Variants in COLGALT2 observed in about 807,000 individuals in gnomAD.
COLGALT2 encodes procollagen galactosyltransferase 2.
Under a neutral mutation model 73.4 loss-of-function variants are expected in COLGALT2, and 49 were observed. The ratio of observed to expected loss-of-function variants is 0.67; its 90% CI spans 0.53 to 0.85. The LOEUF (loss-of-function observed/expected upper bound fraction) is 0.85. Among genes scored for constraint, COLGALT2 ranks in the 40% least tolerant of loss-of-function variants. The pLI, the probability that COLGALT2 is intolerant of heterozygous loss-of-function variation, is 0.00. For missense variants in COLGALT2, 722 were observed against 790.2 expected, an observed-to-expected ratio of 0.91 and a Z score of 1.03; for synonymous variants, 295 against 307.6, an observed-to-expected ratio of 0.96 and a Z score of 0.43.
intron 3 of COLGALT2, 102 bp from the exon 4 acceptor site, chr1:183,973,852 C>T: frequency 2.8e-6 from 3 of 1,070,104 alleles, no homozygotes; most frequent in Non-Finnish European, 4.1e-6. Context: ...TTGCTCATGA[C>T]ATATGGAACC....
intron 1 of COLGALT2, among the ~76,000 whole-genome samples, chr1:183,984,211 C>T (rs1434885670): frequency 6.6e-6 from 1 of 152,206 alleles, no homozygotes; most frequent in Non-Finnish European, 1.5e-5. Context: ...TCAAGGCCAG[C>T]CCAGCCAACA....
chr1:183,990,924 A>G (rs1301167318), intron 1 of COLGALT2, among the ~76,000 whole-genome samples: 4 of 152,240 alleles, frequency 2.6e-5, no homozygotes, highest in Admixed American at 2.0e-4. Context: ...CTGGTTTATA[A>G]TTCTCTGAAA....
In COLGALT2 at chr1:184,010,222, G is replaced by T. The variant is rs144449344; in HGVS notation, c.263+26873C>A. 6.6e-4 allele frequency among the ~76,000 whole-genome samples: 101 copies of T among 152,242 alleles called. 2 individuals carry two copies. The East Asian group carries it at 0.015, about 23-fold the overall frequency. On this transcript the variant is annotated intron_variant, in intron 1 of 11. Transcript: ENST00000361927. ...CATTATTCTGCCATTTAGAAATTCA[G>T]GCCCAGTAATACCAAAGTTTCCAAT...
chr1:183,953,018 C>T (rs868139223), intron 7 of COLGALT2, among the ~76,000 whole-genome samples: 1 of 152,252 alleles, frequency 6.6e-6, no homozygotes, highest in Middle Eastern at 3.4e-3. Context: ...AAAAAATCAA[C>T]AGAAATAAAT....
chr1:184,005,581 A>G (rs1396874407), intron 1 of COLGALT2, among the ~76,000 whole-genome samples: 1 of 151,454 alleles, frequency 6.6e-6, no homozygotes, highest in Non-Finnish European at 1.5e-5. Context: ...CCTGCCTGGA[A>G]CTCTTTGACA....
chr1:183,994,231 G>C (rs1050566117), intron 1 of COLGALT2, among the ~76,000 whole-genome samples: 2 of 151,224 alleles, frequency 1.3e-5, no homozygotes, highest in Non-Finnish European at 3.0e-5. Context: ...GTAGAGACAG[G>C]GTTTCACCGT....
At chr1:183,989,307 G>T (rs1046120659) in intron 1 of COLGALT2, among the ~76,000 whole-genome samples, 1 of 152,198 alleles carries the variant, frequency 6.6e-6, no homozygotes, top group African/African-American at 2.4e-5. Context: ...TAAACTCTGA[G>T]TGGGGATGTC....
Position 183,937,098 on chromosome 1 carries a change from T to G in COLGALT2, c.*1663A>C. 3.2e-6 allele frequency: 4 copies of G among 1,230,962 alleles called. No homozygotes were observed. The highest frequency in any genetic ancestry group is 1.6e-5 in the African/African-American group (1 of 64,510). 76.3% of individuals were successfully genotyped at this position (1,230,962 alleles called of 1,614,324 possible). A position where few individuals can be genotyped will look rare whatever the true frequency, so the allele number is the denominator to read the frequency against. On this transcript the variant is annotated 3_prime_UTR_variant, in exon 12 of 12. Coordinates refer to ENST00000361927, the MANE Select transcript of COLGALT2 (RefSeq NM_015101.4). ...GAAGAATTAGGTGTCTGGCTTAAAG[T>G]GTATCTTACACTCGTACACTAAGCT...
downstream of COLGALT2, among the ~76,000 whole-genome samples, chr1:183,932,388 T>A (rs1669865807): frequency 6.6e-6 from 1 of 151,918 alleles, no homozygotes; most frequent in South Asian, 2.1e-4. Context: ...CGGTTCACTT[T>A]GGTGCATGAT....
chr1:183,932,807 G>A (rs896607590), downstream of COLGALT2, among the ~76,000 whole-genome samples: 2 of 152,084 alleles, frequency 1.3e-5, no homozygotes, highest in African/African-American at 4.8e-5. Context: ...CTGAGAGATC[G>A]GCCACCACAC....
intron 7 of COLGALT2, 44 bp downstream of exon 7, chr1:183,954,718 T>G (rs765716895): frequency 1.4e-6 from 2 of 1,452,044 alleles, no homozygotes; most frequent in Admixed American, 3.4e-5. Flanking sequence ...CACACAAGCC[T>G]GCACACGCGT....
intron 1 of COLGALT2, among the ~76,000 whole-genome samples, chr1:184,015,066 T>C (rs1432916028): frequency 6.6e-6 from 1 of 151,138 alleles, no homozygotes; most frequent in Non-Finnish European, 1.5e-5. Flanking sequence ...TGCAGGAGGA[T>C]GGATCTGGGA....
chr1:183,986,608 C>T (rs1926867), intron 1 of COLGALT2, among the ~76,000 whole-genome samples: 28,752 of 152,104 alleles, frequency 0.19, 3,006 homozygotes, highest in East Asian at 0.41. Flanking sequence ...TATCATCTTT[C>T]AATAAAATTA....
Position 184,037,142 on chromosome 1 carries a change from G to A in COLGALT2, c.216C>T (p.Leu72=), listed in dbSNP as rs1490280386. 1 of 1,599,696 alleles carries A rather than the reference G, an allele frequency of 6.3e-7. No individual in the cohort carries two copies. Among genetic ancestry groups the A allele is most frequent in the Non-Finnish European group, 8.5e-7 (1 of 1,174,888 alleles). ...GGTAGTCCAGCCGCTCCAGGCAGCC[G>A]AGGAAGTGCGGCAGCGTGTGCGCCG... is the stretch of plus-strand genomic sequence containing the variant. ...RNAAHTLPHF[L]GCLERLDYPK... is the part of the protein sequence containing the mutation. The change falls in exon 1 of 12, where the codon CTC becomes CTT. Residue 72 remains leucine (L), a synonymous_variant. Coordinates refer to ENST00000361927, the MANE Select transcript of COLGALT2 (RefSeq NM_015101.4).
downstream of COLGALT2, among the ~76,000 whole-genome samples, chr1:183,933,318 C>T (rs573382412): frequency 3.3e-5 from 5 of 152,264 alleles, no homozygotes; most frequent in South Asian, 2.1e-4. Context: ...GACTTTGCTC[C>T]GTGTGTGGTG....
chr1:183,937,064 C>T lies in COLGALT2; in HGVS notation c.*1697G>A. ...AATGTGGCAATCAGTATCACATGGG[C>T]AGTGAACTGAAGAATTAGGTGTCTG... is the stretch of plus-strand genomic sequence containing the variant. On this transcript the variant is annotated 3_prime_UTR_variant, in exon 12 of 12. Coordinates refer to ENST00000361927, the MANE Select transcript of COLGALT2 (RefSeq NM_015101.4). 8.1e-7 allele frequency: 1 copy of T among 1,231,602 alleles called. No homozygotes were observed. Among genetic ancestry groups the T allele is most frequent in the Non-Finnish European group, 1.0e-6 (1 of 987,954 alleles). 76.3% of individuals were successfully genotyped at this position (1,231,602 alleles called of 1,614,324 possible).
In COLGALT2 at chr1:183,966,701, G is replaced by A. The variant is rs368279926; in HGVS notation, c.832+2568C>T. On this transcript the variant is annotated intron_variant, in intron 5 of 11. Transcript: ENST00000361927. ...TTTGGAAGACGACTGGCTGGCACTG[G>A]GATGATTCCTGTGGCCATGATACAG... Among the ~76,000 whole-genome samples the A allele has an allele frequency of 3.0e-4, 46 of 152,296 alleles. 1 individual carries two copies. The highest frequency in any genetic ancestry group is 1.1e-3 in the African/African-American group (46 of 41,566).
intron 5 of COLGALT2, among the ~76,000 whole-genome samples, chr1:183,965,404 C>T (rs1226990611): frequency 6.6e-6 from 1 of 152,030 alleles, no homozygotes; most frequent in African/African-American, 2.4e-5. Context: ...ACATGCAAGA[C>T]CATAATATAT....
At position 183,936,552 on chromosome 1, in the gene COLGALT2, C is replaced by A; in HGVS notation, c.*2209G>T. 1 of 1,092,934 alleles carries A rather than the reference C, an allele frequency of 9.1e-7. No homozygotes were observed. Among genetic ancestry groups the A allele is most frequent in the Non-Finnish European group, 1.1e-6 (1 of 900,496 alleles). 67.7% of individuals were successfully genotyped at this position (1,092,934 alleles called of 1,614,324 possible). A position where few individuals can be genotyped will look rare whatever the true frequency, so the allele number is the denominator to read the frequency against. On this transcript the variant is annotated 3_prime_UTR_variant, in exon 12 of 12. Coordinates refer to ENST00000361927, the MANE Select transcript of COLGALT2 (RefSeq NM_015101.4). Reference sequence around the variant, plus strand: ...AAAAAAAATTCTCTATTAAACAAAACACCACAAAAATCAACCCAAACTTCC... The same window carrying A: ...AAAAAAAATTCTCTATTAAACAAAAAACCACAAAAATCAACCCAAACTTCC...
Sources: allele counts gnomAD v4.1 joint callset (sites outside exome capture counted in the v4.1 genomes callset), GRCh38; gene constraint gnomAD v4.1.1; transcripts MANE v1.5; gene names NCBI Gene and HGNC (gene_info 2026-07-23, HGNC 2026-07-21).